The following ZNF318 variants were observed in gnomAD, a reference collection of about 807,000 sequenced individuals.
ZNF318 encodes the protein zinc finger protein 318, also known as endocrine regulator.
In ZNF318, 51 loss-of-function variants were observed where a neutral mutation model predicts 124.2. The observed-to-expected ratio is 0.41, with a 90% CI of 0.33 to 0.52. The LOEUF (loss-of-function observed/expected upper bound fraction) is 0.52. ZNF318 is among the 20% of genes least tolerant of loss of function. The probability of loss-of-function intolerance (pLI) is 0.23; values close to 1 mark genes in which losing one functional copy is unlikely to be tolerated. For synonymous variants in ZNF318, 1,090 were observed against 1,040.7 expected, an observed-to-expected ratio of 1.05 and a Z score of -0.91; for missense variants, 2,815 against 2,811.2, an observed-to-expected ratio of 1.00 and a Z score of -0.03.
chr6:43,340,148 C>T lies in ZNF318; in HGVS notation c.3850G>A (p.Glu1284Lys). The T allele has an allele frequency of 6.2e-7, 1 of 1,614,144 alleles. No individual in the cohort carries two copies. The highest frequency in any genetic ancestry group is 1.6e-4 in the Middle Eastern group (1 of 6,062). Reference protein sequence around the residue: ...GKFSWKKPEKEEEKSSLVTPS... With the variant: ...GKFSWKKPEKKEEKSSLVTPS... ...GTCACCAATGAACTTTTCTCCTCTT[C>T]TTTTTCTGGCTTCTTCCAGCTGAAT... Residue 1284 changes from glutamate (E) to lysine (K), a missense_variant, in exon 10 of 10, where the codon GAA (glutamate) becomes AAA (lysine). Transcript: ENST00000361428.
chr6:43,343,876 C>T (rs1339153829), intron 6 of ZNF318, among the ~76,000 whole-genome samples: 2 of 150,348 alleles, frequency 1.3e-5, no homozygotes, highest in East Asian at 3.9e-4. Context: ...AACATGTATC[C>T]TTTTTAAAAA....
In ZNF318 at chr6:43,338,417, A is replaced by G; in HGVS notation, c.5581T>C (p.Ser1861Pro). 1.9e-6 allele frequency: 3 copies of G among 1,614,238 alleles called. No individual in the cohort carries two copies. The highest frequency in any genetic ancestry group is 2.5e-6 in the Non-Finnish European group (3 of 1,180,040). Residue 1861 changes from serine (S) to proline (P), a missense_variant, in exon 10 of 10, where the codon TCT becomes CCT. By Grantham distance (74) the Ser-to-Pro change is moderately conservative (BLOSUM62 -1). Transcript: ENST00000361428. ...VVIKLSPQACSFTKAKLDSFL... is the reference protein window; with the variant it reads ...VVIKLSPQACPFTKAKLDSFL... The stretch of plus-strand genomic sequence containing the variant: ...GAGTCTAATTTTGCCTTTGTGAAAG[A>G]GCAAGCCTGTGGACTCAATTTGATC...
At chr6:43,350,266 A>G (rs1472370692) in intron 5 of ZNF318, among the ~76,000 whole-genome samples, 1 of 152,152 alleles carries the variant, frequency 6.6e-6, no homozygotes, top group East Asian at 1.9e-4. Flanking sequence ...AGAAAGAAAA[A>G]GAAGAAAAAA....
At position 43,342,151 on chromosome 6, in the gene ZNF318, C is replaced by A. The variant is rs1324522294; in HGVS notation, c.3337G>T (p.Ala1113Ser). 8 of 1,613,948 alleles carry A rather than the reference C, an allele frequency of 5.0e-6. No individual in the cohort carries two copies. The Admixed American group carries it at 6.7e-5, about 13-fold the overall frequency. ...SKTQSEAKQD[A>S]IKRTDKITVP... is the part of the protein sequence containing the mutation. Reference sequence around the variant, plus strand: ...GTTATCTTGTCAGTGCGCTTTATGGCATCTTGCTTGGCCTCACTCTGGGTC... The same window carrying A: ...GTTATCTTGTCAGTGCGCTTTATGGAATCTTGCTTGGCCTCACTCTGGGTC... Residue 1113 changes from alanine to serine, a missense_variant, in exon 8 of 10, where the codon GCC becomes TCC. Ala to Ser is a moderately conservative substitution (Grantham distance 99, BLOSUM62 1). Transcript: ENST00000361428.
Position 43,337,745 on chromosome 6 carries a change from T to C in ZNF318, c.6253A>G (p.Thr2085Ala). 2 of 1,614,110 alleles carry C rather than the reference T, an allele frequency of 1.2e-6. No individual in the cohort carries two copies. Among genetic ancestry groups the C allele is most frequent in the Non-Finnish European group, 8.5e-7 (1 of 1,180,030 alleles). The change falls in exon 10 of 10, where the codon ACA (threonine) becomes GCA (alanine). Residue 2085 changes from threonine to alanine, a missense_variant. Thr to Ala is a moderately conservative substitution (Grantham distance 58). Coordinates refer to ENST00000361428, the MANE Select transcript of ZNF318 (RefSeq NM_014345.3). ...TTAGGTGAGTTTCGTTCACCCTCTGTCTCAAAGTCAAGCACCAAGGTTTTG... is the reference window on the plus strand; with the variant it reads ...TTAGGTGAGTTTCGTTCACCCTCTGCCTCAAAGTCAAGCACCAAGGTTTTG... ...SPKTLVLDFE[T>A]EGERNSPNPR...
chr6:43,354,920 T>C lies in ZNF318; in HGVS notation c.2414A>G (p.Tyr805Cys). 6.2e-7 allele frequency: 1 copy of C among 1,611,894 alleles called. No homozygotes were observed. The change falls in exon 4 of 10, where the codon TAT (tyrosine) becomes TGT (cysteine). Residue 805 changes from tyrosine to cysteine, a missense_variant. Physicochemically the swap from Tyr to Cys is radical, Grantham distance 194. Coordinates refer to ENST00000361428, the MANE Select transcript of ZNF318 (RefSeq NM_014345.3). Reference protein sequence around the residue: ...MAYAASRWPMYPTSQPSNHPV... With the variant: ...MAYAASRWPMCPTSQPSNHPV... ...GTGGTTTGACGGTTGAGAGGTGGGA[T>C]ACATGGGCCATCTGGAGGCTGCATA... is the stretch of plus-strand genomic sequence containing the variant.
In ZNF318 at chr6:43,356,362, G is replaced by A. The variant is rs575723514; in HGVS notation, c.1189-217C>T. ...GGAGAAACAGGAAGTGAGGCAAACTGGATGGAATCCTCACCTTTATCTATT... is the reference window on the plus strand; with the variant it reads ...GGAGAAACAGGAAGTGAGGCAAACTAGATGGAATCCTCACCTTTATCTATT... On this transcript the variant is annotated intron_variant, in intron 3 of 9. Transcript: ENST00000361428. 3.9e-5 allele frequency among the ~76,000 whole-genome samples: 6 copies of A among 152,228 alleles called. No homozygotes were observed. In the South Asian group the frequency reaches 1.2e-3, roughly 32 times the overall value.
At chr6:43,368,808 G>C (rs1282005324) in intron 1 of ZNF318, 159 bp downstream of exon 1, 1 of 984,314 alleles carries the variant, frequency 1.0e-6, no homozygotes, top group Non-Finnish European at 1.2e-6. Flanking sequence ...AACGCTCCCG[G>C]GTCTGACAGA....
At chr6:43,362,516 G>GTTT in intron 2 of ZNF318, among the ~76,000 whole-genome samples, 1 of 88,940 alleles carries the variant, frequency 1.1e-5, no homozygotes, top group Non-Finnish European at 2.1e-5. Flanking sequence ...CTACATACAC[G>GTTT]TCTTTTTTTT....
chr6:43,366,117 G>C lies in ZNF318; in HGVS notation c.400-677C>G, dbSNP rs111429938. On this transcript the variant is annotated intron_variant, in intron 1 of 9. Coordinates refer to ENST00000361428, the MANE Select transcript of ZNF318 (RefSeq NM_014345.3). The stretch of plus-strand genomic sequence containing the variant: ...ACCATAAAAGGAGTTACTTCAGATA[G>C]GATGGTTAGAAAAGGTTTTTCTCAG... 6.4e-3 allele frequency among the ~76,000 whole-genome samples: 979 copies of C among 152,228 alleles called. 6 individuals are homozygous for C. The highest frequency in any genetic ancestry group is 0.022 in the African/African-American group (911 of 41,532).
chr6:43,337,426 A>G lies in ZNF318; in HGVS notation c.6572T>C (p.Leu2191Pro), dbSNP rs1344216362. 1 of 1,614,200 alleles carries G rather than the reference A, an allele frequency of 6.2e-7. No homozygotes were observed. The highest frequency in any genetic ancestry group is 1.3e-5 in the African/African-American group (1 of 75,056). The change falls in exon 10 of 10, where the codon CTC (leucine) becomes CCC (proline). Residue 2191 changes from leucine to proline, a missense_variant. Physicochemically the swap from Leu to Pro is moderately conservative, Grantham distance 98 (BLOSUM62 -3). Around this residue, in one of 4 missense-constraint regions of ZNF318, gnomAD observed 927 missense variants for 820.6 expected, o/e 1.13. Transcript: ENST00000361428. The stretch of plus-strand genomic sequence containing the variant: ...TTTAGAAGGGTCACCTGGCTCAGAG[A>G]GTGGAGAACACAGTTTATCTTTTTG... The part of the protein sequence containing the change: ...GVQKDKLCSP[L>P]SEPGDPSKCS...
intron 6 of ZNF318, 41 bp downstream of exon 6, chr6:43,348,283 G>A (rs752156816): frequency 1.3e-6 from 2 of 1,564,372 alleles, no homozygotes; most frequent in Non-Finnish European, 1.7e-6. Flanking sequence ...GGAGTCTAAG[G>A]GAAAAAAAAG....
chr6:43,352,786 T>C (rs903735921), intron 4 of ZNF318, among the ~76,000 whole-genome samples: 1 of 152,240 alleles, frequency 6.6e-6, no homozygotes, highest in Non-Finnish European at 1.5e-5. Context: ...AGGAACCATA[T>C]GTGTTATAGG....
Position 43,356,028 on chromosome 6 carries a change from C to G in ZNF318, c.1306G>C (p.Gly436Arg). 6.2e-7 allele frequency: 1 copy of G among 1,614,152 alleles called. No individual in the cohort carries two copies. The highest frequency in any genetic ancestry group is 1.6e-4 in the Middle Eastern group (1 of 6,062). ...TTCAAGGCAGTCTCTACCATAGTCC[C>G]CTTGTTTTCAATCTCTGAGGCAAAA... ...AAFASEIENK[G>R]TMVETALKEP... The change falls in exon 4 of 10, where the codon GGG becomes CGG. Residue 436 changes from glycine (G) to arginine (R), a missense_variant. Around this residue, in one of 4 missense-constraint regions of ZNF318, gnomAD observed 1,377 missense variants for 1,353.5 expected, o/e 1.02. Coordinates refer to ENST00000361428, the MANE Select transcript of ZNF318 (RefSeq NM_014345.3).
In ZNF318 at chr6:43,357,416, G is replaced by T; in HGVS notation, c.898C>A (p.Arg300=). 6.2e-7 allele frequency: 1 copy of T among 1,614,142 alleles called. No individual in the cohort carries two copies. The highest frequency in any genetic ancestry group is 8.5e-7 in the Non-Finnish European group (1 of 1,180,028). Residue 300 remains arginine, a synonymous_variant, in exon 3 of 10, where the codon CGA becomes AGA. Coordinates refer to ENST00000361428, the MANE Select transcript of ZNF318 (RefSeq NM_014345.3). ...GGACTTGGGCTTCTTCTACGCTGTC[G>T]ATAGTTGCGAGTTCCTGATGTAAAA... ...PSFTSGTRNY[R]QRRRSPSPRF... is the part of the protein sequence containing the mutation.
At chr6:43,340,548 G>C in intron 9 of ZNF318, 46 bp from the exon 10 acceptor site, 1 of 1,534,746 alleles carries the variant, frequency 6.5e-7, no homozygotes, top group East Asian at 2.3e-5. Flanking sequence ...GAAAATACAA[G>C]AGAAAAAAAT....
chr6:43,347,664 C>T (rs906532192), intron 6 of ZNF318, among the ~76,000 whole-genome samples: 3 of 152,054 alleles, frequency 2.0e-5, no homozygotes, highest in Admixed American at 6.5e-5. Flanking sequence ...TGGTGAGTTA[C>T]GTTGTTAGAC....
chr6:43,357,435 T>A lies in ZNF318; in HGVS notation c.879A>T (p.Thr293=). The A allele has an allele frequency of 1.9e-6, 3 of 1,614,196 alleles. No individual in the cohort carries two copies. The African/African-American group carries it at 4.0e-5, about 22-fold the overall frequency. The change falls in exon 3 of 10, where the codon ACA becomes ACT. Residue 293 remains threonine, a synonymous_variant. Transcript: ENST00000361428. ...GCTGTCGATAGTTGCGAGTTCCTGA[T>A]GTAAAACTTGGGTGATCCCCTCCCA... The part of the protein sequence containing the change: ...NSMGGDHPSF[T]SGTRNYRQRR...
At chr6:43,353,076 A>G (rs1169608450) in intron 4 of ZNF318, among the ~76,000 whole-genome samples, 1 of 152,226 alleles carries the variant, frequency 6.6e-6, no homozygotes, top group African/African-American at 2.4e-5. Context: ...ATACCAGCAT[A>G]TAATAGGCCT....
Sources: allele counts gnomAD v4.1 joint callset (sites outside exome capture counted in the v4.1 genomes callset), GRCh38; gene constraint gnomAD v4.1.1; regional missense constraint gnomAD v4.1.1; transcripts MANE v1.5; gene names NCBI Gene and HGNC (gene_info 2026-07-23, HGNC 2026-07-21).